Variants in ANK1 observed in about 807,000 individuals in gnomAD.
ANK1 encodes ankyrin 1.
In ANK1, 51 loss-of-function variants were observed where a neutral mutation model predicts 210.4. The observed-to-expected ratio is 0.24, with a 90% CI of 0.19 to 0.31. The LOEUF is 0.31. ANK1 is among the 10% of genes least tolerant of loss of function. The pLI is 1.00. For synonymous variants in ANK1, 967 were observed against 1,025.9 expected (o/e 0.94, Z 1.10); for missense variants, 2,051 against 2,504.4 (o/e 0.82, Z 3.86).
chr8:41,742,911 C>T (rs1046973276), intron 2 of ANK1, among the ~76,000 whole-genome samples: 4 of 152,132 alleles, frequency 2.6e-5, no homozygotes, highest in African/African-American at 9.7e-5. Flanking sequence ...ATAGTGGACT[C>T]CTCTATTTAA....
chr8:41,852,388 C>G (rs1811420088), intron 1 of ANK1, among the ~76,000 whole-genome samples: 1 of 152,204 alleles, frequency 6.6e-6, no homozygotes, highest in East Asian at 1.9e-4. Context: ...CATCTTGGTG[C>G]CACTGCTTGC....
chr8:41,777,148 T>A (rs558770446), intron 1 of ANK1, among the ~76,000 whole-genome samples: 1 of 152,332 alleles, frequency 6.6e-6, no homozygotes, highest in East Asian at 1.9e-4. Flanking sequence ...TCTTTCTACG[T>A]TGCTTATCTG....
intron 1 of ANK1, among the ~76,000 whole-genome samples, chr8:41,785,310 T>C (rs1461660754): frequency 6.6e-6 from 1 of 152,154 alleles, no homozygotes; most frequent in Non-Finnish European, 1.5e-5. Context: ...CAGTGAGCTA[T>C]GAACACACCA....
chr8:41,700,351 G>C, intron 22 of ANK1: 1 of 1,435,526 alleles, frequency 7.0e-7, no homozygotes, highest in Non-Finnish European at 9.8e-7. Context: ...AGCAGGAATG[G>C]ATTAGTGAGC....
chr8:41,817,876 A>G (rs548484556), intron 1 of ANK1, among the ~76,000 whole-genome samples: 1 of 152,344 alleles, frequency 6.6e-6, no homozygotes, highest in South Asian at 2.1e-4. Flanking sequence ...TTCACAATCC[A>G]GGGCCACTCC....
chr8:41,789,650 A>G (rs1213131347), intron 1 of ANK1, among the ~76,000 whole-genome samples: 1 of 152,194 alleles, frequency 6.6e-6, no homozygotes, highest in Non-Finnish European at 1.5e-5. Context: ...CATCTAAATA[A>G]CAGTTTCAGC....
At chr8:41,828,904 G>A (rs377592154) in intron 1 of ANK1, 14 of 152,380 alleles carry the variant, frequency 9.2e-5, no homozygotes, top group African/African-American at 3.4e-4. Flanking sequence ...CAGAAGTCGC[G>A]CGTGACCCGG....
At chr8:41,884,107 T>A (rs981918934) in intron 1 of ANK1, among the ~76,000 whole-genome samples, 13 of 152,292 alleles carry the variant, frequency 8.5e-5, no homozygotes, top group Admixed American at 8.5e-4. Context: ...CCCAGCACTT[T>A]GGGAGGCCGA....
At chr8:41,676,862 G>T (rs1228766973) in intron 37 of ANK1, among the ~76,000 whole-genome samples, 2 of 152,046 alleles carry the variant, frequency 1.3e-5, no homozygotes, top group East Asian at 1.9e-4. Flanking sequence ...CAATATCAGG[G>T]TAATGCTGGC....
intron 16 of ANK1, among the ~76,000 whole-genome samples, chr8:41,709,546 T>C (rs561660183): frequency 2.0e-5 from 3 of 152,404 alleles, no homozygotes; most frequent in Admixed American, 6.5e-5. Flanking sequence ...TTTTAAGTCA[T>C]GAAAAGTGGA....
chr8:41,708,749 C>T (rs1487923460), intron 17 of ANK1, 29 bp downstream of exon 17: 1 of 1,611,712 alleles, frequency 6.2e-7, no homozygotes, highest in Admixed American at 1.7e-5. Flanking sequence ...TCCAGCACTC[C>T]AGGGCAGATC....
chr8:41,671,225 T>A (rs1812169756), intron 38 of ANK1, among the ~76,000 whole-genome samples: 1 of 152,152 alleles, frequency 6.6e-6, no homozygotes, highest in African/African-American at 2.4e-5. Flanking sequence ...GCTCTACAGC[T>A]GAAAGCTCCG....
rs560021769 is a variant in ANK1 at position 41,694,305 on chromosome 8, A to G, written c.3328-203T>C. Reference sequence around the variant, plus strand: ...TGCTTCTTACTCCCAGGGCTGGTGCATCTTTGCTAGCACCACAGTCAACTC... The same window carrying G: ...TGCTTCTTACTCCCAGGGCTGGTGCGTCTTTGCTAGCACCACAGTCAACTC... On this transcript the variant is annotated intron_variant, in intron 28 of 42. Coordinates refer to ENST00000289734, the MANE Select transcript of ANK1 (RefSeq NM_000037.4). The surrounding 1 kb of genome is among the most constrained non-coding windows in gnomAD (Gnocchi z 5.7). Among the ~76,000 whole-genome samples, 1 of 152,260 alleles carries G rather than the reference A, an allele frequency of 6.6e-6. No individual in the cohort carries two copies. The highest frequency in any genetic ancestry group is 1.9e-4 in the East Asian group (1 of 5,176).
chr8:41,802,570 C>A (rs1850052100), upstream of ANK1, among the ~76,000 whole-genome samples: 1 of 152,138 alleles, frequency 6.6e-6, no homozygotes. Flanking sequence ...ACTAATAATA[C>A]ATTTTATAAT....
intron 37 of ANK1, among the ~76,000 whole-genome samples, chr8:41,677,137 A>C (rs1814406029): frequency 6.6e-6 from 1 of 152,180 alleles, no homozygotes; most frequent in African/African-American, 2.4e-5. Flanking sequence ...AATTGTCATA[A>C]TATCCCTTTA....
chr8:41,871,312 GTTTA>G (rs1157009811), intron 1 of ANK1, among the ~76,000 whole-genome samples: 1 of 152,168 alleles, frequency 6.6e-6, no homozygotes, highest in African/African-American at 2.4e-5. Context: ...AGTAGATGCT[GTTTA>G]TTTATGTTTT....
At chr8:41,709,030 A>G in intron 16 of ANK1, 55 bp from the exon 17 acceptor site, 5 of 1,605,084 alleles carry the variant, frequency 3.1e-6, no homozygotes, top group Non-Finnish European at 4.3e-6. Flanking sequence ...AGCTGACAAT[A>G]TCAACACACA....
chr8:41,767,620 C>T (rs1842134453), intron 1 of ANK1, among the ~76,000 whole-genome samples: 1 of 152,154 alleles, frequency 6.6e-6, no homozygotes, highest in Admixed American at 6.5e-5. Context: ...GAAGCGCTCT[C>T]CGGAGAGCAG....
At chr8:41,667,286 G>A (rs1019579089) in intron 39 of ANK1, among the ~76,000 whole-genome samples, 2 of 152,162 alleles carry the variant, frequency 1.3e-5, no homozygotes, top group African/African-American at 2.4e-5. Flanking sequence ...TGGAGTCTAA[G>A]GTTGAGGTAG....
Sources: gnomAD v4.1 joint callset for allele counts (sites outside exome capture counted in the v4.1 genomes callset) on GRCh38, gnomAD v4.1.1 for gene constraint, Gnocchi (gnomAD v3.1) non-coding constraint, MANE v1.5 for transcripts, NCBI Gene and HGNC (gene_info 2026-07-23, HGNC 2026-07-21) for gene names.